CHN2: variants seen among roughly 807,000 people sequenced by gnomAD.
The protein encoded by CHN2 is beta-chimaerin.
CHN2 carries 35 observed loss-of-function variants against 56.3 expected under a neutral mutation model. The observed-to-expected ratio is 0.62, with a 90% CI of 0.47 to 0.82. The LOEUF is 0.82. Ranked by LOEUF, CHN2 falls within the 40% of genes least tolerant of loss-of-function variation. The probability of loss-of-function intolerance (pLI) is 0.00; values close to 1 mark genes in which losing one functional copy is unlikely to be tolerated. For synonymous variants in CHN2, 210 were observed against 212.8 expected (o/e 0.99, Z 0.12); for missense variants, 491 against 580.5 (o/e 0.85, Z 1.58).
At chr7:29,361,181 G>T (rs1199877467) in intron 2 of CHN2, among the ~76,000 whole-genome samples, 1 of 152,192 alleles carries the variant, frequency 6.6e-6, no homozygotes, top group Non-Finnish European at 1.5e-5. Context: ...AAATGTGTTT[G>T]TTGAACAAGG....
At chr7:29,198,335 C>T (rs1584702865) in intron 1 of CHN2, among the ~76,000 whole-genome samples, 1 of 152,186 alleles carries the variant, frequency 6.6e-6, no homozygotes, top group African/African-American at 2.4e-5. Flanking sequence ...TCAAAGTTGC[C>T]TGATTTTCCT....
At chr7:29,146,752 T>A in intron 1 of CHN2, 3 of 1,549,818 alleles carry the variant, frequency 1.9e-6, no homozygotes, top group Non-Finnish European at 2.6e-6. Context: ...TCAGGTTGGT[T>A]TGTCCCTTTG....
chr7:29,178,285 G>T (rs1797615627), intron 2 of CHN2, among the ~76,000 whole-genome samples: 1 of 152,064 alleles, frequency 6.6e-6, no homozygotes, highest in Admixed American at 6.6e-5. Flanking sequence ...AGCTTCTGTG[G>T]CTTCCCATTG....
intron 1 of CHN2, among the ~76,000 whole-genome samples, chr7:29,311,118 T>C (rs1419910029): frequency 6.6e-6 from 1 of 152,220 alleles, no homozygotes; most frequent in African/African-American, 2.4e-5. Context: ...GTAGATTCAT[T>C]GTAGATTCAG....
At chr7:29,247,517 C>A (rs1788167444) in intron 1 of CHN2, among the ~76,000 whole-genome samples, 1 of 152,188 alleles carries the variant, frequency 6.6e-6, no homozygotes, top group South Asian at 2.1e-4. Flanking sequence ...GCTCAGCTTG[C>A]CAGAGACTGC....
chr7:29,334,793 A>ATGCTTGTCGTGACTCTGTCCCC (rs1372685004), intron 1 of CHN2, among the ~76,000 whole-genome samples: 1 of 152,180 alleles, frequency 6.6e-6, no homozygotes, highest in Non-Finnish European at 1.5e-5. Context: ...AGGAAGTTTC[A>ATGCTTGTCGTGACTCTGTCCCC]TGCTTGTCGT....
chr7:29,323,093 G>A (rs946229926), intron 1 of CHN2, among the ~76,000 whole-genome samples: 6 of 152,148 alleles, frequency 3.9e-5, no homozygotes, highest in African/African-American at 1.2e-4. Context: ...GGCAGAGGTC[G>A]CAGTTGAGCC....
chr7:29,278,530 C>G (rs1241448621), intron 1 of CHN2, among the ~76,000 whole-genome samples: 1 of 151,920 alleles, frequency 6.6e-6, no homozygotes, highest in Non-Finnish European at 1.5e-5. Context: ...TCAGGCAGCT[C>G]ATTAGTAGGT....
intron 3 of CHN2, among the ~76,000 whole-genome samples, chr7:29,376,979 A>T: frequency 6.6e-6 from 1 of 152,138 alleles, no homozygotes; most frequent in Middle Eastern, 3.2e-3. Flanking sequence ...TGTGTTACTA[A>T]TTAACAAAGC....
At chr7:29,360,845 T>C (rs903212574) in intron 2 of CHN2, among the ~76,000 whole-genome samples, 1 of 152,226 alleles carries the variant, frequency 6.6e-6, no homozygotes, top group African/African-American at 2.4e-5. Context: ...CTTTCACCCA[T>C]TAGCCGTCTG....
chr7:29,176,679 G>T (rs528694200), intron 2 of CHN2, among the ~76,000 whole-genome samples: 2 of 152,150 alleles, frequency 1.3e-5, no homozygotes, highest in Non-Finnish European at 2.9e-5. Context: ...AAAGAATTTT[G>T]AGCCAAGAAA....
intron 1 of CHN2, among the ~76,000 whole-genome samples, chr7:29,221,813 A>G (rs1785821294): frequency 6.6e-6 from 1 of 152,188 alleles, no homozygotes; most frequent in Non-Finnish European, 1.5e-5. Context: ...ATGGCTGCAT[A>G]GTATTCCATG....
intron 3 of CHN2, among the ~76,000 whole-genome samples, chr7:29,389,667 G>A (rs1801204019): frequency 6.6e-6 from 1 of 152,210 alleles, no homozygotes; most frequent in Non-Finnish European, 1.5e-5. Context: ...CTGGTCAACA[G>A]GGATATAAGT....
At chr7:29,293,671 G>GCT (rs1460255626) in intron 1 of CHN2, among the ~76,000 whole-genome samples, 1 of 152,032 alleles carries the variant, frequency 6.6e-6, no homozygotes, top group Non-Finnish European at 1.5e-5. Flanking sequence ...GCTCTTCCTA[G>GCT]CTGTCCGCAT....
At chr7:29,432,279 AATG>A (rs2128115653) in intron 6 of CHN2, among the ~76,000 whole-genome samples, 1 of 152,320 alleles carries the variant, frequency 6.6e-6, no homozygotes, top group Non-Finnish European at 1.5e-5. Context: ...CAGAAGCATG[AATG>A]ATATGTCTTG....
intron 6 of CHN2, among the ~76,000 whole-genome samples, chr7:29,476,615 A>T (rs923823496): frequency 6.6e-5 from 10 of 152,274 alleles, no homozygotes; most frequent in African/African-American, 2.4e-4. Flanking sequence ...CACTTGGCAC[A>T]TAGTAAGCAT....
intron 1 of CHN2, among the ~76,000 whole-genome samples, chr7:29,246,387 T>C (rs1222691796): frequency 1.3e-5 from 2 of 152,166 alleles, no homozygotes; most frequent in Non-Finnish European, 1.5e-5. Flanking sequence ...TAAACCAGAA[T>C]AGTCTTCTGG....
At chr7:29,511,277 TTC>T (rs1219590977) in intron 12 of CHN2, among the ~76,000 whole-genome samples, 2 of 147,802 alleles carry the variant, frequency 1.4e-5, no homozygotes, top group Non-Finnish European at 3.0e-5. Context: ...AATATTCCCA[TTC>T]TGATTAATTT....
At chr7:29,154,957 CAAG>C (rs1206211672) in intron 2 of CHN2, among the ~76,000 whole-genome samples, 8 of 152,170 alleles carry the variant, frequency 5.3e-5, no homozygotes, top group African/African-American at 1.4e-4. Context: ...TGGTGGAAGA[CAAG>C]GAGGAGCAAG....
Sources: gnomAD v4.1 joint callset for allele counts (sites outside exome capture counted in the v4.1 genomes callset) on GRCh38, gnomAD v4.1.1 for gene constraint, MANE v1.5 for transcripts, NCBI Gene and HGNC (gene_info 2026-07-23, HGNC 2026-07-21) for gene names.